The following DAB1 variants were observed in gnomAD, a reference collection of about 807,000 sequenced individuals.
DAB1 encodes disabled homolog 1.
Under a neutral mutation model 64.6 loss-of-function variants are expected in DAB1, and 15 were observed. The ratio of observed to expected loss-of-function variants is 0.23; its 90% CI spans 0.16 to 0.36. The LOEUF (loss-of-function observed/expected upper bound fraction) is 0.36. Ranked by LOEUF, DAB1 falls within the 10% of genes least tolerant of loss-of-function variation. The probability of loss-of-function intolerance (pLI) is 1.00; values close to 1 mark genes in which losing one functional copy is unlikely to be tolerated. For missense variants in DAB1, 596 were observed against 706.7 expected, an observed-to-expected ratio of 0.84 and a Z score of 1.78; for synonymous variants, 235 against 251.9, an observed-to-expected ratio of 0.93 and a Z score of 0.64.
chr1:57,915,129 TAAAA>T (rs11321322), intron 5 of DAB1, among the ~76,000 whole-genome samples: 1 of 117,350 alleles, frequency 8.5e-6, no homozygotes. Flanking sequence ...CTTTAAATCA[TAAAA>T]AAAAAAAAAA....
intron 7 of DAB1, among the ~76,000 whole-genome samples, chr1:57,501,801 G>A (rs1470493084): frequency 6.6e-6 from 1 of 152,094 alleles, no homozygotes; most frequent in Non-Finnish European, 1.5e-5. Flanking sequence ...TCAACTTCTT[G>A]TTTACCCCTG....
intron 5 of DAB1, among the ~76,000 whole-genome samples, chr1:58,116,806 T>C: frequency 6.6e-6 from 1 of 152,228 alleles, no homozygotes; most frequent in East Asian, 1.9e-4. Flanking sequence ...CAAGCAAGCA[T>C]TAAAACATAA....
intron 7 of DAB1, among the ~76,000 whole-genome samples, chr1:57,587,658 G>A (rs1013708875): frequency 6.6e-6 from 1 of 152,166 alleles, no homozygotes; most frequent in East Asian, 1.9e-4. Flanking sequence ...CCACTCTGCT[G>A]CAGGTCAGCT....
chr1:57,024,271 A>G (rs1646715166), intron 10 of DAB1, among the ~76,000 whole-genome samples: 1 of 152,058 alleles, frequency 6.6e-6, no homozygotes, highest in Admixed American at 6.5e-5. Flanking sequence ...CAATGCTTGC[A>G]CCACTGAAAA....
chr1:58,412,869 C>T (rs922640894), intron 3 of DAB1, among the ~76,000 whole-genome samples: 1 of 152,206 alleles, frequency 6.6e-6, no homozygotes, highest in Non-Finnish European at 1.5e-5. Context: ...ATCTATAAAA[C>T]AGGGATAATA....
At chr1:58,386,597 C>A (rs1032554114) in intron 3 of DAB1, among the ~76,000 whole-genome samples, 1 of 152,182 alleles carries the variant, frequency 6.6e-6, no homozygotes, top group Admixed American at 6.5e-5. Context: ...TCTGGTCTTA[C>A]TACTTTCTAG....
At chr1:57,450,796 C>T (rs1686321677) in intron 7 of DAB1, among the ~76,000 whole-genome samples, 1 of 152,200 alleles carries the variant, frequency 6.6e-6, no homozygotes, top group East Asian at 1.9e-4. Context: ...TACTTAAAGT[C>T]ATGCTTTCAG....
intron 4 of DAB1, among the ~76,000 whole-genome samples, chr1:58,306,474 TC>T (rs1018459604): frequency 1.1e-4 from 16 of 152,150 alleles, no homozygotes; most frequent in African/African-American, 3.9e-4. Flanking sequence ...CTGCGCTGTT[TC>T]CCCTCAGCTC....
intron 5 of DAB1, among the ~76,000 whole-genome samples, chr1:57,889,908 G>T (rs59675233): frequency 2.0e-4 from 18 of 90,386 alleles, no homozygotes; most frequent in Non-Finnish European, 3.7e-4. Flanking sequence ...GCGGGGGGGG[G>T]GGAGGGGGAA....
chr1:57,525,684 T>C (rs1370864360), intron 7 of DAB1, among the ~76,000 whole-genome samples: 1 of 152,038 alleles, frequency 6.6e-6, no homozygotes, highest in Non-Finnish European at 1.5e-5. Context: ...ATAGATAGTT[T>C]CAAAAGTGTT....
intron 7 of DAB1, among the ~76,000 whole-genome samples, chr1:57,625,732 G>A (rs539976268): frequency 6.6e-6 from 1 of 152,226 alleles, no homozygotes; most frequent in African/African-American, 2.4e-5. Context: ...TTAGAGGAGG[G>A]AAAGGGAGGA....
At chr1:58,051,435 T>C (rs554390888) in intron 5 of DAB1, among the ~76,000 whole-genome samples, 1 of 152,356 alleles carries the variant, frequency 6.6e-6, no homozygotes, top group African/African-American at 2.4e-5. Context: ...ATTTTCTTAA[T>C]CCAGTCTATT....
At chr1:58,219,025 C>CTCTCTCTCTCTCTCTCTCTGTG (rs376130413) in intron 4 of DAB1, among the ~76,000 whole-genome samples, 42 of 129,536 alleles carry the variant, frequency 3.2e-4, no homozygotes, top group East Asian at 2.7e-3. Flanking sequence ...CTCTCTCTCT[C>CTCTCTCTCTCTCTCTCTCTGTG]TGTGTGTGTG....
intron 6 of DAB1, among the ~76,000 whole-genome samples, chr1:57,795,225 ATAAACCTAAG>A (rs1650788576): frequency 6.6e-6 from 1 of 152,244 alleles, no homozygotes. Context: ...TCTAGGAGTC[ATAAACCTAAG>A]TTATCATCAA....
rs536571953 is a variant in DAB1, at chr1:58,317,769, CAGA to C, written n.309+25580_309+25582del. On this transcript the variant is annotated intron_variant and non_coding_transcript_variant, in intron 4 of 20. Transcript: ENST00000485760. ...TGAGCCTGTCTGGACTGAGAACCTG[CAGA>C]AGAACTGTGAGCTAATAAATGAAGG... Among the ~76,000 whole-genome samples the C allele has an allele frequency of 2.8e-3, 421 of 152,326 alleles. 5 individuals carry two copies. Among genetic ancestry groups the C allele is most frequent in the African/African-American group, 9.1e-3 (377 of 41,578 alleles).
intron 6 of DAB1, among the ~76,000 whole-genome samples, chr1:57,662,516 G>A (rs907766351): frequency 6.6e-6 from 1 of 152,160 alleles, no homozygotes; most frequent in African/African-American, 2.4e-5. Context: ...TATATCACTC[G>A]TTCATTTGGT....
intron 6 of DAB1, among the ~76,000 whole-genome samples, chr1:57,779,381 GGA>G (rs1388846427): frequency 2.0e-5 from 3 of 152,118 alleles, no homozygotes; most frequent in African/African-American, 7.2e-5. Flanking sequence ...AGATAAACAG[GGA>G]GAGGCAGTCA....
intron 4 of DAB1, among the ~76,000 whole-genome samples, chr1:58,294,865 C>CGTGTGT (rs55922554): frequency 0.063 from 8,668 of 137,542 alleles, 438 homozygotes; most frequent in East Asian, 0.23. Context: ...TGGTCCAGAA[C>CGTGTGT]GTGTGTGTGT....
rs1212160641 is a variant in DAB1 at position 57,222,272 on chromosome 1, C to T, written c.67+68692G>A. Among the ~76,000 whole-genome samples, 45 of 152,114 alleles carry T rather than the reference C, an allele frequency of 3.0e-4. 1 individual carries two copies. The highest frequency in any genetic ancestry group is 2.9e-3 in the Admixed American group (45 of 15,266). Reference sequence around the variant, plus strand: ...CTTCCTTCCTTGCTCCTTCAAAATACATGAACAGAAAATACATTTACAGAA... The same window carrying T: ...CTTCCTTCCTTGCTCCTTCAAAATATATGAACAGAAAATACATTTACAGAA... On this transcript the variant is annotated intron_variant, in intron 2 of 14. Transcript: ENST00000371236.
Sources: allele counts gnomAD v4.1 joint callset (sites outside exome capture counted in the v4.1 genomes callset), GRCh38; gene constraint gnomAD v4.1.1; transcripts MANE v1.5; gene names NCBI Gene and HGNC (gene_info 2026-07-23, HGNC 2026-07-21).